ARHGAP28: variants seen among roughly 807,000 people sequenced by gnomAD.
The protein encoded by ARHGAP28 is rho GTPase-activating protein 28.
In ARHGAP28, 56 loss-of-function variants were observed where a neutral mutation model predicts 90.7. The observed-to-expected ratio is 0.62, with a 90% CI of 0.50 to 0.77. The LOEUF is 0.77. Among genes scored for constraint, ARHGAP28 ranks in the 30% least tolerant of loss-of-function variants. The pLI, the probability that ARHGAP28 is intolerant of heterozygous loss-of-function variation, is 0.00. For missense variants in ARHGAP28, 869 were observed against 900.9 expected (o/e 0.96, Z 0.45); for synonymous variants, 308 against 323.3 (o/e 0.95, Z 0.51).
intron 2 of ARHGAP28, among the ~76,000 whole-genome samples, chr18:6,830,830 C>A (rs1286958958): frequency 2.6e-5 from 4 of 152,142 alleles, no homozygotes; most frequent in Non-Finnish European, 4.4e-5. Flanking sequence ...TATGAATATG[C>A]CACAATTTGT....
rs570515970 is a variant in ARHGAP28 at position 6,845,572 on chromosome 18, C to T, written c.544-5462C>T. On this transcript the variant is annotated intron_variant, in intron 3 of 17. Coordinates refer to ENST00000383472, the MANE Select transcript of ARHGAP28 (RefSeq NM_001366230.1). The stretch of plus-strand genomic sequence containing the variant: ...TTAGCTGTTCTTACTGATGCTCTCC[C>T]TCCCCCGATCCTGGACAGGCCCCAC... Among the ~76,000 whole-genome samples the T allele has an allele frequency of 2.6e-5, 4 of 152,256 alleles. No individual in the cohort carries two copies. In the South Asian group the frequency reaches 6.2e-4, roughly 24 times the overall value.
chr18:6,870,935 G>T (rs1296778195), intron 7 of ARHGAP28, among the ~76,000 whole-genome samples: 5 of 152,092 alleles, frequency 3.3e-5, no homozygotes, highest in Non-Finnish European at 7.4e-5. Flanking sequence ...CGAGTAGCTG[G>T]GACTACAGGC....
intron 4 of ARHGAP28, among the ~76,000 whole-genome samples, chr18:6,855,564 T>G (rs2056946289): frequency 6.6e-6 from 1 of 152,206 alleles, no homozygotes. Flanking sequence ...TTCCTGGACC[T>G]GGGACTAGAA....
chr18:6,803,612 T>C (rs1195539962), intron 1 of ARHGAP28, among the ~76,000 whole-genome samples: 2 of 152,116 alleles, frequency 1.3e-5, no homozygotes, highest in Non-Finnish European at 2.9e-5. Flanking sequence ...TAGTGAGTGT[T>C]CCCTCCCCTT....
rs769114893 is a variant in ARHGAP28 at position 6,890,013 on chromosome 18, A to C, written c.1662A>C (p.Glu554Asp). 1.1e-5 allele frequency: 18 copies of C among 1,614,126 alleles called. No individual in the cohort carries two copies. The South Asian group carries it at 1.8e-4, about 16-fold the overall frequency. The part of the protein sequence containing the change: ...FFSRSKHSDY[E>D]ELLLANTAAH... Reference sequence around the variant, plus strand: ...GTAGAAGCAAACACTCTGATTATGAAGAATTACTGTTAGCAAACACTGCGG... The same window carrying C: ...GTAGAAGCAAACACTCTGATTATGACGAATTACTGTTAGCAAACACTGCGG... Residue 554 changes from glutamate to aspartate, a missense_variant, in exon 13 of 18, where the codon GAA (glutamate) becomes GAC (aspartate). Physicochemically the swap from Glu to Asp is conservative, Grantham distance 45. Coordinates refer to ENST00000383472, the MANE Select transcript of ARHGAP28 (RefSeq NM_001366230.1).
intron 7 of ARHGAP28, 28 bp from the exon 8 acceptor site, chr18:6,873,381 A>T: frequency 1.3e-6 from 2 of 1,586,580 alleles, no homozygotes; most frequent in Non-Finnish European, 8.5e-7. Context: ...TTGCCATAAA[A>T]AATAAATACC....
intron 1 of ARHGAP28, among the ~76,000 whole-genome samples, chr18:6,786,581 CCACTT>C (rs1179358112): frequency 2.0e-5 from 3 of 152,136 alleles, no homozygotes; most frequent in African/African-American, 7.2e-5. Flanking sequence ...GGTGCGCTGA[CCACTT>C]CATTCTTTGA....
At chr18:6,876,035 T>C (rs2057128466) in intron 9 of ARHGAP28, 96 bp from the exon 10 acceptor site, 2 of 1,004,748 alleles carry the variant, frequency 2.0e-6, no homozygotes, top group African/African-American at 1.6e-5. Context: ...ATATATATGC[T>C]TGGTAACTTA....
chr18:6,868,131 A>G lies in ARHGAP28; in HGVS notation c.727-19A>G, dbSNP rs758702487. 13 of 1,603,388 alleles carry G rather than the reference A, an allele frequency of 8.1e-6. No homozygotes were observed. Among genetic ancestry groups the G allele is most frequent in the Non-Finnish European group, 1.1e-5 (13 of 1,170,384 alleles). ...ATTTATGGTAAAATGTTTTGTGTTC[A>G]TCTTCCTTTGCTTGGCAGGCTATAC... On this transcript the variant is annotated intron_variant, in intron 5 of 17. Transcript: ENST00000383472.
chr18:6,788,963 C>A (rs2056386629), intron 1 of ARHGAP28: 1 of 152,166 alleles, frequency 6.6e-6, no homozygotes, highest in Non-Finnish European at 1.5e-5. Context: ...CCAACTCTAC[C>A]AACAAAGGCT....
rs763696847 is a variant in ARHGAP28, at chr18:6,873,743, C to G, written c.1180C>G (p.Pro394Ala). The change falls in exon 9 of 18, where the codon CCT becomes GCT. Residue 394 changes from proline to alanine, a missense_variant. Coordinates refer to ENST00000383472, the MANE Select transcript of ARHGAP28 (RefSeq NM_001366230.1). ...VLLDGDRKKD[P>A]GVKVPLVLQK... ...CCTGGACGGTGACCGAAAGAAAGAC[C>G]CTGGAGTGAAAGTTCCCCTGGTATT... 5.0e-6 allele frequency: 8 copies of G among 1,613,574 alleles called. No individual in the cohort carries two copies. The highest frequency in any genetic ancestry group is 6.8e-6 in the Non-Finnish European group (8 of 1,179,890).
At chr18:6,737,984 C>A (rs2055943193) in intron 1 of ARHGAP28, among the ~76,000 whole-genome samples, 1 of 152,128 alleles carries the variant, frequency 6.6e-6, no homozygotes, top group Admixed American at 6.5e-5. Context: ...TACTAAGTAT[C>A]CCTTAGAAAA....
intron 1 of ARHGAP28, among the ~76,000 whole-genome samples, chr18:6,739,618 A>G (rs1025543305): frequency 6.6e-6 from 1 of 150,460 alleles, no homozygotes; most frequent in Non-Finnish European, 1.5e-5. Context: ...AAAATGTTCT[A>G]GAGCAGACAT....
intron 4 of ARHGAP28, among the ~76,000 whole-genome samples, chr18:6,852,549 A>G (rs910130822): frequency 4.6e-5 from 7 of 152,202 alleles, no homozygotes; most frequent in African/African-American, 1.7e-4. Context: ...TTAAGCAAGT[A>G]GTGTTTTCTT....
intron 3 of ARHGAP28, among the ~76,000 whole-genome samples, chr18:6,847,119 A>G (rs532821785): frequency 1.3e-5 from 2 of 152,230 alleles, no homozygotes; most frequent in South Asian, 4.1e-4. Flanking sequence ...GAGATACACA[A>G]GAACTGTCCT....
chr18:6,791,836 TGG>T (rs112177379), intron 1 of ARHGAP28, among the ~76,000 whole-genome samples: 20 of 150,546 alleles, frequency 1.3e-4, no homozygotes, highest in Admixed American at 3.4e-4. Flanking sequence ...TTTTAATTTG[TGG>T]GTTTTTTTTG....
intron 1 of ARHGAP28, among the ~76,000 whole-genome samples, chr18:6,781,376 G>A (rs1169799002): frequency 6.6e-6 from 1 of 152,176 alleles, no homozygotes; most frequent in Admixed American, 6.5e-5. Flanking sequence ...TCACTCTGCA[G>A]CCCCTGCCAC....
chr18:6,736,132 T>A (rs1392240188), intron 1 of ARHGAP28, among the ~76,000 whole-genome samples: 1 of 152,210 alleles, frequency 6.6e-6, no homozygotes, highest in African/African-American at 2.4e-5. Flanking sequence ...TACAATTCAC[T>A]AATGTGGTCT....
chr18:6,756,247 G>C (rs1027418134), intron 1 of ARHGAP28, among the ~76,000 whole-genome samples: 1 of 152,122 alleles, frequency 6.6e-6, no homozygotes, highest in African/African-American at 2.4e-5. Context: ...AGGGCGCACT[G>C]TTCTTTTTTT....
Sources: allele counts gnomAD v4.1 joint callset (sites outside exome capture counted in the v4.1 genomes callset), GRCh38; gene constraint gnomAD v4.1.1; transcripts MANE v1.5; gene names NCBI Gene and HGNC (gene_info 2026-07-23, HGNC 2026-07-21).